Variants in TTC23 observed in about 807,000 individuals in gnomAD.
The protein encoded by TTC23 is tetratricopeptide repeat domain 23, also known as tetratricopeptide repeat protein 23.
Under a neutral mutation model 55.1 loss-of-function variants are expected in TTC23, and 58 were observed. The ratio of observed to expected loss-of-function variants is 1.05; its 90% confidence interval spans 0.85 to 1.31. The LOEUF is 1.31. Ranked by LOEUF, TTC23 falls within the 50% of genes most tolerant of loss-of-function variation. TTC23 has a pLI of 0.00. For synonymous variants in TTC23, 203 were observed against 199.9 expected, an observed-to-expected ratio of 1.02 and a Z score of -0.13; for missense variants, 516 against 534.4, an observed-to-expected ratio of 0.97 and a Z score of 0.34.
rs1430794305 is a variant in TTC23, at chr15:99,205,383, G to A, written c.582-5287C>T. 2.0e-5 allele frequency among the ~76,000 whole-genome samples: 3 copies of A among 152,018 alleles called. No individual in the cohort carries two copies. The East Asian group carries it at 5.8e-4, about 29-fold the overall frequency. ...TGCATTAAATCTGTAGGTTGCTTTG[G>A]GTCGTAGGCACATTTCAACAATATT... On this transcript the variant is annotated intron_variant, in intron 8 of 13. Coordinates refer to ENST00000394132, the MANE Select transcript of TTC23 (RefSeq NM_001288615.3).
intron 3 of TTC23, among the ~76,000 whole-genome samples, chr15:99,239,153 T>C (rs906645746): frequency 6.6e-6 from 1 of 152,090 alleles, no homozygotes; most frequent in African/African-American, 2.4e-5. Flanking sequence ...TGATCTACAA[T>C]GTAGGTGGTG....
chr15:99,174,073 TC>T (rs1301041691), intron 10 of TTC23, among the ~76,000 whole-genome samples: 2 of 152,202 alleles, frequency 1.3e-5, no homozygotes, highest in Admixed American at 6.5e-5. Flanking sequence ...CCTCTCTCCA[TC>T]CTTACACAGG....
chr15:99,230,619 GAC>G (rs2078857654), intron 4 of TTC23, among the ~76,000 whole-genome samples: 1 of 151,896 alleles, frequency 6.6e-6, no homozygotes, highest in African/African-American at 2.4e-5. Context: ...AGAGAAAAAA[GAC>G]ACATTACGTA....
intron 10 of TTC23, among the ~76,000 whole-genome samples, chr15:99,173,606 A>T (rs549433916): frequency 6.3e-4 from 95 of 151,696 alleles, no homozygotes; most frequent in African/African-American, 1.1e-3. Context: ...AAAAATAATT[A>T]AAAAAAAATT....
chr15:99,138,233 G>T, intron 13 of TTC23, 106 bp from the exon 14 acceptor site: 1 of 1,361,968 alleles, frequency 7.3e-7, no homozygotes, highest in Non-Finnish European at 1.0e-6. Flanking sequence ...TTTATGAGAA[G>T]ACTTGGTAGG....
chr15:99,229,634 A>C (rs2078767327), intron 4 of TTC23, among the ~76,000 whole-genome samples: 1 of 152,224 alleles, frequency 6.6e-6, no homozygotes, highest in Non-Finnish European at 1.5e-5. Context: ...TAGCAGAGGG[A>C]CACCCTCAAG....
intron 9 of TTC23, among the ~76,000 whole-genome samples, chr15:99,188,887 T>C (rs1235375514): frequency 6.6e-6 from 1 of 152,062 alleles, no homozygotes; most frequent in African/African-American, 2.4e-5. Flanking sequence ...CAAGCTTAAT[T>C]AAAAGGCAAT....
At chr15:99,174,699 G>C (rs1375510282) in intron 10 of TTC23, among the ~76,000 whole-genome samples, 3 of 152,210 alleles carry the variant, frequency 2.0e-5, no homozygotes, top group Non-Finnish European at 4.4e-5. Flanking sequence ...CTGGCCCAGA[G>C]GCCAGAGCTG....
rs545081960 is a variant in TTC23, at chr15:99,161,809, C to A, written c.924G>T (p.Met308Ile). The A allele has an allele frequency of 5.6e-6, 9 of 1,613,550 alleles. No homozygotes were observed. Among genetic ancestry groups the A allele is most frequent in the Non-Finnish European group, 2.5e-6 (3 of 1,179,928 alleles). ...GAATTGAAAGAAATTTGGTTCTTCC[C>A]ATCCCTTCAGAATCCTTAAGATGAG... is the stretch of plus-strand genomic sequence containing the variant. ...SMAHLKDSEG[M>I]GRTKFLSIQD... Residue 308 changes from methionine to isoleucine, a missense_variant, in exon 11 of 14, where the codon ATG becomes ATT. Physicochemically the swap from Met to Ile is conservative, Grantham distance 10 (BLOSUM62 1). Transcript: ENST00000394132.
At chr15:99,212,286 G>GTC (rs1199122630) in intron 8 of TTC23, among the ~76,000 whole-genome samples, 1 of 152,050 alleles carries the variant, frequency 6.6e-6, no homozygotes, top group Non-Finnish European at 1.5e-5. Flanking sequence ...GTGTGTGTGT[G>GTC]TGTGTGCATG....
rs536859733 is a variant in TTC23 at position 99,224,007 on chromosome 15, C to A, written c.181-2143G>T. 2.6e-5 allele frequency among the ~76,000 whole-genome samples: 4 copies of A among 152,286 alleles called. No individual in the cohort carries two copies. The East Asian group carries it at 5.8e-4, about 22-fold the overall frequency. ...ACCTAGGATGCACGCCCATCAATGT[C>A]AAAGCTCAAAGGGCTTGCATTTCCA... is the stretch of plus-strand genomic sequence containing the variant. On this transcript the variant is annotated intron_variant, in intron 5 of 13. Transcript: ENST00000394132.
chr15:99,195,101 A>C (rs2075587674), intron 9 of TTC23, among the ~76,000 whole-genome samples: 2 of 152,232 alleles, frequency 1.3e-5, no homozygotes, highest in Admixed American at 1.3e-4. Flanking sequence ...TAAAATTAAA[A>C]ATTTCTGCTC....
At chr15:99,138,889 G>A (rs1265808217) in intron 13 of TTC23, among the ~76,000 whole-genome samples, 2 of 152,346 alleles carry the variant, frequency 1.3e-5, no homozygotes, top group East Asian at 1.9e-4. Context: ...ACGGCAGAGC[G>A]CTGGGCCTCT....
chr15:99,150,057 G>A (rs1346342412), intron 12 of TTC23, among the ~76,000 whole-genome samples: 1 of 152,234 alleles, frequency 6.6e-6, no homozygotes, highest in African/African-American at 2.4e-5. Flanking sequence ...AGGAAAGCAG[G>A]TATTCCCAGT....
chr15:99,248,180 T>G (rs1243670013), intron 1 of TTC23: 1 of 152,170 alleles, frequency 6.6e-6, no homozygotes, highest in Non-Finnish European at 1.5e-5. Context: ...AGAAGCATGG[T>G]TACTAACCTG....
rs537476760 is a variant in TTC23, at chr15:99,182,838, A to C, written c.760-7683T>G. 3.3e-5 allele frequency among the ~76,000 whole-genome samples: 5 copies of C among 152,052 alleles called. No homozygotes were observed. In the South Asian group the frequency reaches 1.0e-3, roughly 32 times the overall value. On this transcript the variant is annotated intron_variant, in intron 9 of 13. Transcript: ENST00000394132. Reference sequence around the variant, plus strand: ...AAAGTAGTTATTACTTAAAAAAAAAAACCAGTAATCTTCCCCTTTGTGGCA... The same window carrying C: ...AAAGTAGTTATTACTTAAAAAAAAACACCAGTAATCTTCCCCTTTGTGGCA...
chr15:99,250,471 T>C (rs1019566106), upstream of TTC23, among the ~76,000 whole-genome samples: 2 of 152,138 alleles, frequency 1.3e-5, no homozygotes, highest in Admixed American at 6.5e-5. Flanking sequence ...CGCAAACTCA[T>C]AGACAGGCTT....
chr15:99,241,761 T>C (rs891940096), intron 2 of TTC23, among the ~76,000 whole-genome samples: 3 of 152,268 alleles, frequency 2.0e-5, no homozygotes, highest in Middle Eastern at 3.4e-3. Context: ...GTGTGAACCG[T>C]TGGAGGCTGA....
In TTC23 at chr15:99,228,722, T is replaced by C. The variant is rs375817804; in HGVS notation, c.-10A>G. On this transcript the variant is annotated 5_prime_UTR_variant, in exon 5 of 14. Coordinates refer to ENST00000394132, the MANE Select transcript of TTC23 (RefSeq NM_001288615.3). Reference sequence around the variant, plus strand: ...CCTGTGATTCTTGCATATTTTTATATACATTGTCTTCTAATTTTAAAATAA... The same window carrying C: ...CCTGTGATTCTTGCATATTTTTATACACATTGTCTTCTAATTTTAAAATAA... The C allele has an allele frequency of 1.3e-5, 21 of 1,558,520 alleles. No individual in the cohort carries two copies. In the African/African-American group the frequency reaches 2.1e-4, roughly 15 times the overall value.
Sources: allele counts gnomAD v4.1 joint callset (sites outside exome capture counted in the v4.1 genomes callset), GRCh38; gene constraint gnomAD v4.1.1; transcripts MANE v1.5; gene names NCBI Gene and HGNC (gene_info 2026-07-23, HGNC 2026-07-21).